ANGPT1: variants seen among roughly 807,000 people sequenced by gnomAD.
The protein encoded by ANGPT1 is angiopoietin-1.
ANGPT1 carries 17 observed loss-of-function variants against 62.2 expected under a neutral mutation model. That is an observed-to-expected ratio of 0.27 (90% CI 0.19 to 0.41). The LOEUF (loss-of-function observed/expected upper bound fraction) is 0.41. Among genes scored for constraint, ANGPT1 ranks in the 10% least tolerant of loss-of-function variants. The pLI, the probability that ANGPT1 is intolerant of heterozygous loss-of-function variation, is 1.00. For synonymous variants in ANGPT1, 199 were observed against 198.9 expected (o/e 1.00, Z 0.00); for missense variants, 478 against 594.9 (o/e 0.80, Z 2.04).
intron 1 of ANGPT1, among the ~76,000 whole-genome samples, chr8:107,455,935 C>CA (rs1378111487): frequency 6.6e-6 from 1 of 151,954 alleles, no homozygotes; most frequent in East Asian, 1.9e-4. Flanking sequence ...AATGAAGCCA[C>CA]AAAAAGCATG....
chr8:107,287,476 C>G (rs1238385243), intron 6 of ANGPT1, among the ~76,000 whole-genome samples: 1 of 152,104 alleles, frequency 6.6e-6, no homozygotes, highest in Non-Finnish European at 1.5e-5. Context: ...AAAAACTGTC[C>G]AAGCATGCTC....
rs201914316 is a variant in ANGPT1 at position 107,497,236 on chromosome 8, A to C, written c.297+26T>G. 3.2e-3 allele frequency: 5,111 copies of C among 1,608,586 alleles called. 9 individuals carry two copies. The highest frequency in any genetic ancestry group is 3.9e-3 in the Non-Finnish European group (4,595 of 1,176,654). ...GCAAGAAAGGAAAAAGGTCCGTGCT[A>C]TTAGAAACTGAAAGCAATCACTTAC... is the stretch of plus-strand genomic sequence containing the variant. On this transcript the variant is annotated intron_variant, in intron 1 of 8. Coordinates refer to ENST00000517746, the MANE Select transcript of ANGPT1 (RefSeq NM_001146.5).
At chr8:107,446,734 A>G (rs892772589) in intron 1 of ANGPT1, among the ~76,000 whole-genome samples, 2 of 152,236 alleles carry the variant, frequency 1.3e-5, no homozygotes, top group African/African-American at 2.4e-5. Flanking sequence ...AGAACTTAAT[A>G]GACCAGTTAT....
intron 6 of ANGPT1, among the ~76,000 whole-genome samples, chr8:107,287,650 C>A (rs1814174726): frequency 6.6e-6 from 1 of 152,136 alleles, no homozygotes; most frequent in African/African-American, 2.4e-5. Context: ...AGTAAACTGT[C>A]TTTTGGATAG....
intron 1 of ANGPT1, among the ~76,000 whole-genome samples, chr8:107,367,272 G>A (rs1816294658): frequency 6.6e-6 from 1 of 152,126 alleles, no homozygotes; most frequent in Non-Finnish European, 1.5e-5. Context: ...GGTCTATTAA[G>A]TGTGAAATAG....
chr8:107,283,214 A>G (rs1383575162), intron 7 of ANGPT1, among the ~76,000 whole-genome samples: 2 of 152,188 alleles, frequency 1.3e-5, no homozygotes, highest in Non-Finnish European at 2.9e-5. Context: ...GATGTTTAAC[A>G]GTGGTTTTCT....
chr8:107,428,127 A>G (rs1811085344), intron 1 of ANGPT1, among the ~76,000 whole-genome samples: 4 of 152,206 alleles, frequency 2.6e-5, no homozygotes, highest in Admixed American at 6.5e-5. Flanking sequence ...CCAACCACAA[A>G]GCAACTGGAA....
chr8:107,409,499 T>C (rs949207844), intron 1 of ANGPT1, among the ~76,000 whole-genome samples: 7 of 152,166 alleles, frequency 4.6e-5, no homozygotes, highest in African/African-American at 1.7e-4. Context: ...TGTTCATCTC[T>C]GCTCAAATCA....
intron 8 of ANGPT1, among the ~76,000 whole-genome samples, chr8:107,261,845 G>C (rs1276860475): frequency 6.6e-6 from 1 of 152,132 alleles, no homozygotes; most frequent in Non-Finnish European, 1.5e-5. Flanking sequence ...TCAATGGGCT[G>C]TGATTTGGTG....
intron 3 of ANGPT1, among the ~76,000 whole-genome samples, chr8:107,335,558 A>G (rs1563574701): frequency 6.6e-6 from 1 of 152,244 alleles, no homozygotes; most frequent in Non-Finnish European, 1.5e-5. Context: ...TTATAAAACA[A>G]GATGGTGTGA....
intron 6 of ANGPT1, among the ~76,000 whole-genome samples, chr8:107,288,173 G>A (rs1391713561): frequency 2.6e-5 from 4 of 152,110 alleles, no homozygotes; most frequent in African/African-American, 9.7e-5. Flanking sequence ...TTGAGAGTTG[G>A]TTTATACAAA....
intron 1 of ANGPT1, among the ~76,000 whole-genome samples, chr8:107,403,848 C>G (rs1817093999): frequency 6.6e-6 from 1 of 151,764 alleles, no homozygotes; most frequent in Non-Finnish European, 1.5e-5. Flanking sequence ...AAAAAATGAA[C>G]AAGATATTTT....
chr8:107,461,466 T>G (rs1457373719), intron 1 of ANGPT1, among the ~76,000 whole-genome samples: 1 of 152,118 alleles, frequency 6.6e-6, no homozygotes. Context: ...GTCAGGATAC[T>G]TTTTACAACC....
chr8:107,417,975 C>T (rs1563613754), intron 1 of ANGPT1, among the ~76,000 whole-genome samples: 1 of 152,100 alleles, frequency 6.6e-6, no homozygotes, highest in Non-Finnish European at 1.5e-5. Context: ...ATTGTTCTGT[C>T]TCTGCAAATT....
At chr8:107,389,549 T>TGTTC (rs539155804) in intron 1 of ANGPT1, among the ~76,000 whole-genome samples, 229 of 152,264 alleles carry the variant, frequency 1.5e-3, no homozygotes, top group African/African-American at 4.9e-3. Context: ...CCATTGCACA[T>TGTTC]GTTCCACTGG....
chr8:107,464,384 A>G (rs1812147814), intron 1 of ANGPT1, among the ~76,000 whole-genome samples: 1 of 152,154 alleles, frequency 6.6e-6, no homozygotes, highest in Admixed American at 6.6e-5. Flanking sequence ...CAGTCTTCAA[A>G]TCTTGACTAT....
Position 107,455,021 on chromosome 8 carries a change from AC to A in ANGPT1, c.297+42240del, listed in dbSNP as rs537035464. ...CTTCTATATGTCTTCCTCTCTGGCC[AC>A]TTTCTCAAAATATTCCTTCAGAAGC... On this transcript the variant is annotated intron_variant, in intron 1 of 8. Transcript: ENST00000517746. Among the ~76,000 whole-genome samples, 80 of 152,074 alleles carry A rather than the reference AC, an allele frequency of 5.3e-4. 2 individuals are homozygous for A. In the East Asian group the frequency reaches 7.2e-3, roughly 14 times the overall value.
chr8:107,458,042 G>A (rs540596501), intron 1 of ANGPT1, among the ~76,000 whole-genome samples: 69 of 152,128 alleles, frequency 4.5e-4, no homozygotes, highest in African/African-American at 1.6e-3. Context: ...TCTGATTTCT[G>A]TTCAGTTTCA....
At chr8:107,370,559 G>A (rs918277633) in intron 1 of ANGPT1, among the ~76,000 whole-genome samples, 66 of 184 alleles carry the variant, frequency 0.36, no homozygotes, top group Non-Finnish European at 0.33. Flanking sequence ...AAAATTAGCC[G>A]GGCATGGTGG....
Sources: allele counts gnomAD v4.1 joint callset (sites outside exome capture counted in the v4.1 genomes callset), GRCh38; gene constraint gnomAD v4.1.1; transcripts MANE v1.5; gene names NCBI Gene and HGNC (gene_info 2026-07-23, HGNC 2026-07-21).